The following MYO6 variants were observed in gnomAD, a reference collection of about 807,000 sequenced individuals.
MYO6 encodes the protein myosin VI.
A neutral mutation model predicts 178.7 loss-of-function variants in MYO6; 74 were observed. The ratio of observed to expected loss-of-function variants is 0.41; its 90% CI spans 0.34 to 0.50. MYO6 has a LOEUF of 0.50. MYO6 is among the 20% of genes least tolerant of loss of function. MYO6 has a pLI of 0.09. For missense variants in MYO6, 1,330 were observed against 1,547.4 expected (o/e 0.86, Z 2.36); for synonymous variants, 477 against 504.6 (o/e 0.95, Z 0.73).
chr6:75,765,350 T>C (rs2150001350), intron 1 of MYO6, among the ~76,000 whole-genome samples: 1 of 151,694 alleles, frequency 6.6e-6, no homozygotes, highest in Middle Eastern at 3.4e-3. Context: ...CTAATTTTTG[T>C]ATTTTTAGTA....
At chr6:75,823,516 CA>C (rs1158062267) in intron 3 of MYO6, among the ~76,000 whole-genome samples, 1 of 151,584 alleles carries the variant, frequency 6.6e-6, no homozygotes, top group East Asian at 1.9e-4. Context: ...CTCCATTTAA[CA>C]AAAAAAGGTA....
chr6:75,912,492 T>G (rs1780833956), intron 33 of MYO6, among the ~76,000 whole-genome samples: 2 of 152,060 alleles, frequency 1.3e-5, no homozygotes, highest in South Asian at 4.1e-4. Flanking sequence ...CCAACAAAAT[T>G]TCAGTTCTCC....
In MYO6 at chr6:75,766,296, G is replaced by A. The variant is rs374915882; in HGVS notation, c.-48+16873G>A. Among the ~76,000 whole-genome samples the A allele has an allele frequency of 5.3e-5, 8 of 151,834 alleles. No individual in the cohort carries two copies. In the South Asian group the frequency reaches 6.2e-4, roughly 12 times the overall value. On this transcript the variant is annotated intron_variant, in intron 1 of 34. Coordinates refer to ENST00000369977, the MANE Select transcript of MYO6 (RefSeq NM_004999.4). ...AGAGACCACACCATTGTGCTCCAGC[G>A]TGGGTAAAAGAACTAGACTCTGTCT...
At chr6:75,765,482 TA>T (rs1778338524) in intron 1 of MYO6, among the ~76,000 whole-genome samples, 1 of 152,070 alleles carries the variant, frequency 6.6e-6, no homozygotes, top group African/African-American at 2.4e-5. Flanking sequence ...TGGCCAAAAA[TA>T]AACATTTCTT....
At chr6:75,821,262 G>T (rs988238756) in intron 2 of MYO6, among the ~76,000 whole-genome samples, 10 of 152,224 alleles carry the variant, frequency 6.6e-5, no homozygotes, top group Middle Eastern at 3.4e-3. Context: ...GCTCCTACCA[G>T]GCAGAGCTAA....
intron 1 of MYO6, among the ~76,000 whole-genome samples, chr6:75,762,074 G>A (rs966711621): frequency 6.6e-6 from 1 of 152,100 alleles, no homozygotes; most frequent in African/African-American, 2.4e-5. Context: ...TGGAACTACA[G>A]GCGTCAGCCA....
intron 25 of MYO6, among the ~76,000 whole-genome samples, chr6:75,888,242 A>T (rs973788324): frequency 1.3e-5 from 2 of 152,182 alleles, no homozygotes; most frequent in Admixed American, 1.3e-4. Context: ...AGATTGTGCC[A>T]CTGCACTCCT....
intron 4 of MYO6, among the ~76,000 whole-genome samples, chr6:75,829,211 G>C (rs1772815966): frequency 6.6e-6 from 1 of 152,088 alleles, no homozygotes; most frequent in South Asian, 2.1e-4. Context: ...AATGCTTTCA[G>C]TGTAAATAGT....
At chr6:75,902,794 T>C (rs1245259378) in intron 30 of MYO6, among the ~76,000 whole-genome samples, 2 of 151,202 alleles carry the variant, frequency 1.3e-5, no homozygotes, top group Non-Finnish European at 3.0e-5. Flanking sequence ...CTCTTGCTTT[T>C]CTAGTTCTTT....
chr6:75,802,972 A>G (rs994982077), intron 1 of MYO6, among the ~76,000 whole-genome samples: 2 of 152,196 alleles, frequency 1.3e-5, no homozygotes, highest in African/African-American at 4.8e-5. Flanking sequence ...TGGGATGTTT[A>G]GTCTCTTAAA....
intron 5 of MYO6, among the ~76,000 whole-genome samples, chr6:75,831,271 A>T (rs1280054): frequency 6.6e-6 from 1 of 152,040 alleles, no homozygotes; most frequent in Non-Finnish European, 1.5e-5. Flanking sequence ...TTCGTAGTGC[A>T]TCCTGTTTCT....
intron 11 of MYO6, among the ~76,000 whole-genome samples, chr6:75,850,039 T>C (rs995253077): frequency 3.3e-5 from 5 of 152,062 alleles, no homozygotes; most frequent in African/African-American, 1.2e-4. Context: ...GGCAAAATTT[T>C]TGCTGTTATA....
chr6:75,828,653 A>G, intron 4 of MYO6, 40 bp downstream of exon 4: 1 of 1,220,414 alleles, frequency 8.2e-7, no homozygotes, highest in Non-Finnish European at 1.2e-6. Context: ...TGTGGAGATA[A>G]TTATTTCATG....
intron 13 of MYO6, among the ~76,000 whole-genome samples, chr6:75,858,630 G>A (rs1373978690): frequency 6.6e-6 from 1 of 151,738 alleles, no homozygotes; most frequent in African/African-American, 2.4e-5. Context: ...GTTAACATGT[G>A]GCTTACATTT....
intron 24 of MYO6, among the ~76,000 whole-genome samples, chr6:75,886,524 C>A (rs1376727618): frequency 6.6e-6 from 1 of 152,174 alleles, no homozygotes; most frequent in Non-Finnish European, 1.5e-5. Context: ...TTGAATCTTT[C>A]ATTTTTAATT....
At chr6:75,861,217 G>T in intron 15 of MYO6, 122 bp downstream of exon 15, 1 of 824,122 alleles carries the variant, frequency 1.2e-6, no homozygotes, top group Non-Finnish European at 2.1e-6. Flanking sequence ...GTATTTGAGA[G>T]AAGGTTACTT....
chr6:75,839,748 G>T, intron 7 of MYO6, among the ~76,000 whole-genome samples: 1 of 152,000 alleles, frequency 6.6e-6, no homozygotes, highest in Non-Finnish European at 1.5e-5. Flanking sequence ...ATTATTCTGA[G>T]AGCCTTAGGT....
In MYO6 at chr6:75,857,083, GTTTTC is replaced by G; in HGVS notation, c.1224-9_1224-5del. On this transcript the variant is annotated splice_polypyrimidine_tract_variant and intron_variant, in intron 12 of 34. Coordinates refer to ENST00000369977, the MANE Select transcript of MYO6 (RefSeq NM_004999.4). Reference sequence around the variant, plus strand: ...ATTATAAAGAATTTTTACTAGCATAGTTTTCTTTTATAGGGTACCTCTGAAAGTGG... The same window carrying G: ...ATTATAAAGAATTTTTACTAGCATAGTTTTATAGGGTACCTCTGAAAGTGG... 6.2e-7 allele frequency: 1 copy of G among 1,613,594 alleles called. No homozygotes were observed. The highest frequency in any genetic ancestry group is 8.5e-7 in the Non-Finnish European group (1 of 1,179,732).
intron 28 of MYO6, among the ~76,000 whole-genome samples, 155 bp downstream of exon 28, chr6:75,892,845 T>A (rs1052273040): frequency 7.2e-5 from 11 of 152,218 alleles, no homozygotes; most frequent in African/African-American, 2.7e-4. Flanking sequence ...TTGTATCGAC[T>A]TTCATACTCA....
Sources: gnomAD v4.1 joint callset for allele counts (sites outside exome capture counted in the v4.1 genomes callset) on GRCh38, gnomAD v4.1.1 for gene constraint, MANE v1.5 for transcripts, NCBI Gene and HGNC (gene_info 2026-07-23, HGNC 2026-07-21) for gene names.